The following RPS6KA6 variants were observed in gnomAD, a reference collection of about 807,000 sequenced individuals.
RPS6KA6 encodes ribosomal protein S6 kinase A6.
A neutral mutation model predicts 65.4 loss-of-function variants in RPS6KA6; 27 were observed. That is an observed-to-expected ratio of 0.41 (90% CI 0.30 to 0.57). The LOEUF is 0.57. RPS6KA6 is among the 20% of genes least tolerant of loss of function. The pLI, the probability that RPS6KA6 is intolerant of heterozygous loss-of-function variation, is 0.24. For missense variants in RPS6KA6, 486 were observed against 555.6 expected, an observed-to-expected ratio of 0.87 and a Z score of 1.26; for synonymous variants, 190 against 184.2, an observed-to-expected ratio of 1.03 and a Z score of -0.26.
chrX:84,168,959 T>C (rs1216846054), intron 1 of RPS6KA6, among the ~76,000 whole-genome samples: 1 of 112,177 alleles, frequency 8.9e-6, no homozygotes, highest in Admixed American at 9.5e-5. Context: ...TGTATACTCA[T>C]TGATACTTAC....
At chrX:84,172,326 T>G (rs2035698256) in intron 1 of RPS6KA6, among the ~76,000 whole-genome samples, 1 of 112,029 alleles carries the variant, frequency 8.9e-6, no homozygotes, top group African/African-American at 3.2e-5. Context: ...AAGAACATAA[T>G]TTCATATTCC....
chrX:84,088,262 G>A (rs763132456), intron 20 of RPS6KA6, among the ~76,000 whole-genome samples: 11 of 111,938 alleles, frequency 9.8e-5, no homozygotes, highest in Non-Finnish European at 1.9e-4. Flanking sequence ...ACCTACCTTT[G>A]ATCTTTGAGG....
At chrX:84,093,352 T>G (rs1278890341) in intron 20 of RPS6KA6, among the ~76,000 whole-genome samples, 1 of 112,484 alleles carries the variant, frequency 8.9e-6, no homozygotes, top group Admixed American at 9.4e-5. Context: ...ACAAGTTTAC[T>G]TTCATGCCTA....
At chrX:84,133,887 T>G (rs1266447984) in intron 8 of RPS6KA6, among the ~76,000 whole-genome samples, 9 of 112,078 alleles carry the variant, frequency 8.0e-5, no homozygotes, top group Non-Finnish European at 1.7e-4. Context: ...AAACTTTATT[T>G]GAACTTTTTC....
At chrX:84,069,920 G>A (rs775242333) in intron 20 of RPS6KA6, among the ~76,000 whole-genome samples, 1 of 112,054 alleles carries the variant, frequency 8.9e-6, no homozygotes, top group South Asian at 3.7e-4. Context: ...ACAGATGCTG[G>A]CGAGGATGTG....
intron 20 of RPS6KA6, among the ~76,000 whole-genome samples, chrX:84,069,533 G>C (rs912553427): frequency 8.9e-6 from 1 of 112,007 alleles, no homozygotes; most frequent in African/African-American, 3.2e-5. Flanking sequence ...AACACCAAAA[G>C]CACTTGCAAC....
chrX:84,146,559 A>T (rs1267649752), intron 5 of RPS6KA6, among the ~76,000 whole-genome samples: 2 of 111,884 alleles, frequency 1.8e-5, no homozygotes, highest in Non-Finnish European at 3.8e-5. Context: ...AGTATAAAAA[A>T]ATAACTCAAG....
In RPS6KA6 at chrX:84,066,928, G is replaced by A. The variant is rs756705185; in HGVS notation, c.1972-1817C>T. Reference sequence around the variant, plus strand: ...TGGGACGGAGCTTCCACAGGAAGGAGTAGGAAGCAATCTTTGCTGTTCTGC... The same window carrying A: ...TGGGACGGAGCTTCCACAGGAAGGAATAGGAAGCAATCTTTGCTGTTCTGC... On this transcript the variant is annotated intron_variant, in intron 20 of 21. Coordinates refer to ENST00000262752, the MANE Select transcript of RPS6KA6 (RefSeq NM_014496.5). 8.3e-4 allele frequency among the ~76,000 whole-genome samples: 93 copies of A among 111,779 alleles called. 2 individuals carry two copies. The highest frequency in any genetic ancestry group is 1.5e-3 in the South Asian group (4 of 2,643).
intron 12 of RPS6KA6, among the ~76,000 whole-genome samples, chrX:84,108,287 A>T (rs2034401357): frequency 1.8e-5 from 2 of 111,996 alleles, no homozygotes; most frequent in South Asian, 7.4e-4. Flanking sequence ...GGGAAAAATA[A>T]ATAGGGAATT....
chrX:84,096,258 C>T lies in RPS6KA6; in HGVS notation c.1907G>A (p.Arg636His), dbSNP rs750299675. ...CAAAGAGAATTTTCCATTGCCTATA[C>T]GCAGCAGTATCTCTTCAGGAGTATC... ...PNDTPEEILL[R>H]IGNGKFSLSG... is the part of the protein sequence containing the mutation. Residue 636 changes from arginine to histidine, a missense_variant, in exon 20 of 22, where the codon CGT (arginine) becomes CAT (histidine). Around this residue, in one of 3 missense-constraint regions of RPS6KA6, gnomAD observed 345 missense variants for 375.0 expected, o/e 0.92. Transcript: ENST00000262752. 30 of 1,197,289 alleles carry T rather than the reference C, an allele frequency of 2.5e-5. No homozygotes were observed. Among genetic ancestry groups the T allele is most frequent in the African/African-American group, 1.4e-4 (8 of 56,768 alleles).
At chrX:84,074,762 G>C (rs1278376630) in intron 20 of RPS6KA6, among the ~76,000 whole-genome samples, 1 of 111,537 alleles carries the variant, frequency 9.0e-6, no homozygotes, top group Non-Finnish European at 1.9e-5. Flanking sequence ...ACCGTATTTG[G>C]TATCTTCTCA....
intron 12 of RPS6KA6, among the ~76,000 whole-genome samples, chrX:84,109,563 A>G (rs905775788): frequency 9.0e-6 from 1 of 110,804 alleles, no homozygotes; most frequent in Admixed American, 9.5e-5. Context: ...CCAGCCCCAC[A>G]GGTCTGCAAT....
intron 1 of RPS6KA6, among the ~76,000 whole-genome samples, chrX:84,185,678 A>G (rs1712506184): frequency 8.9e-6 from 1 of 111,987 alleles, no homozygotes; most frequent in Admixed American, 9.5e-5. Context: ...TTTTGACATT[A>G]AAGTTAACAG....
intron 6 of RPS6KA6, among the ~76,000 whole-genome samples, chrX:84,145,272 A>G (rs1415369177): frequency 3.6e-5 from 4 of 111,168 alleles, no homozygotes; most frequent in African/African-American, 1.3e-4. Flanking sequence ...AGTTATTCAT[A>G]TTGTTCTTTT....
In RPS6KA6 at chrX:84,064,292, T is replaced by G. The variant is rs778761337; in HGVS notation, c.2223A>C (p.Thr741=). 1 of 1,208,617 alleles carries G rather than the reference T, an allele frequency of 8.3e-7. No individual in the cohort carries two copies. Among genetic ancestry groups the G allele is most frequent in the South Asian group, 1.8e-5 (1 of 56,216 alleles). ...LAQRRSMKKR[T]STGL is the part of the protein sequence containing the mutation. Reference sequence around the variant, plus strand: ...ACCACAAATCTTACAGGCCAGTTGATGTTCGCTTTTTCATGCTCCGTCGCT... The same window carrying G: ...ACCACAAATCTTACAGGCCAGTTGAGGTTCGCTTTTTCATGCTCCGTCGCT... Residue 741 remains threonine (T), a synonymous_variant, in exon 22 of 22, where the codon ACA becomes ACC. Coordinates refer to ENST00000262752, the MANE Select transcript of RPS6KA6 (RefSeq NM_014496.5).
At chrX:84,076,724 G>C (rs2033670276) in intron 20 of RPS6KA6, among the ~76,000 whole-genome samples, 1 of 111,316 alleles carries the variant, frequency 9.0e-6, no homozygotes, top group East Asian at 2.8e-4. Context: ...TTACACTCAA[G>C]ATCAGGAACA....
intron 18 of RPS6KA6, among the ~76,000 whole-genome samples, chrX:84,098,195 C>T (rs149876344): frequency 2.8e-3 from 310 of 111,146 alleles, no homozygotes; most frequent in African/African-American, 9.5e-3. Flanking sequence ...GTAACTTACC[C>T]AACATTACAA....
chrX:84,064,523 T>C, intron 21 of RPS6KA6, 121 bp from the exon 22 acceptor site: 1 of 641,526 alleles, frequency 1.6e-6, no homozygotes. Flanking sequence ...GGAAAATAAT[T>C]GAATATATTA....
intron 8 of RPS6KA6, among the ~76,000 whole-genome samples, chrX:84,122,730 A>G (rs2034702405): frequency 9.0e-6 from 1 of 111,428 alleles, no homozygotes; most frequent in South Asian, 3.8e-4. Context: ...CTTGGGCCAA[A>G]GTGCTCTGGG....
Sources: gnomAD v4.1 joint callset for allele counts (sites outside exome capture counted in the v4.1 genomes callset) on GRCh38, gnomAD v4.1.1 for gene constraint, gnomAD v4.1.1 regional missense constraint, MANE v1.5 for transcripts, NCBI Gene and HGNC (gene_info 2026-07-23, HGNC 2026-07-21) for gene names.